The following MED12L variants were observed in gnomAD, a reference collection of about 807,000 sequenced individuals.
MED12L encodes the protein mediator of RNA polymerase II transcription subunit 12-like protein.
Under a neutral mutation model 281.3 loss-of-function variants are expected in MED12L, and 60 were observed. The observed-to-expected ratio is 0.21, with a 90% CI of 0.17 to 0.26. MED12L has a LOEUF of 0.26. Ranked by LOEUF, MED12L falls within the 10% of genes least tolerant of loss-of-function variation. MED12L has a pLI of 1.00. For synonymous variants in MED12L, 974 were observed against 987.2 expected (o/e 0.99, Z 0.25); for missense variants, 2,146 against 2,680.9 (o/e 0.80, Z 4.41).
intron 39 of MED12L, among the ~76,000 whole-genome samples, chr3:151,400,494 T>C (rs960420137): frequency 2.0e-5 from 3 of 152,192 alleles, no homozygotes; most frequent in Non-Finnish European, 4.4e-5. Flanking sequence ...ATAGCTAGTA[T>C]ATGTAGCGAC....
intron 43 of MED12L, among the ~76,000 whole-genome samples, chr3:151,427,939 T>TA (rs1454985370): frequency 6.6e-6 from 1 of 152,230 alleles, no homozygotes; most frequent in Non-Finnish European, 1.5e-5. Flanking sequence ...GCAGCAGTCT[T>TA]AACCAGTCAG....
intron 16 of MED12L, among the ~76,000 whole-genome samples, chr3:151,196,219 C>A (rs1724634788): frequency 1.3e-5 from 2 of 152,198 alleles, no homozygotes; most frequent in South Asian, 4.1e-4. Flanking sequence ...CATGAAAGAA[C>A]TGCTAGACAA....
At chr3:151,283,722 CAG>C (rs1346736920) in intron 16 of MED12L, among the ~76,000 whole-genome samples, 10 of 152,292 alleles carry the variant, frequency 6.6e-5, no homozygotes, top group Admixed American at 5.2e-4. Flanking sequence ...ATGGGGAAGA[CAG>C]AGAATATTCT....
intron 7 of MED12L, 90 bp from the exon 8 acceptor site, chr3:151,159,742 T>C: frequency 1.5e-6 from 2 of 1,313,236 alleles, no homozygotes; most frequent in Non-Finnish European, 2.1e-6. Context: ...TTTTTTATCT[T>C]TTTTAAATGA....
At chr3:151,301,915 G>A (rs1436361538) in intron 16 of MED12L, among the ~76,000 whole-genome samples, 1 of 152,220 alleles carries the variant, frequency 6.6e-6, no homozygotes, top group African/African-American at 2.4e-5. Context: ...CTAGCCACAA[G>A]AAATGAAAAC....
chr3:151,221,836 C>T (rs919165199), intron 16 of MED12L, among the ~76,000 whole-genome samples: 1 of 152,154 alleles, frequency 6.6e-6, no homozygotes, highest in Admixed American at 6.5e-5. Flanking sequence ...ACTGGGGCAC[C>T]ATCTAATGGA....
chr3:151,291,864 T>A (rs1744297532), intron 16 of MED12L, among the ~76,000 whole-genome samples: 2 of 152,170 alleles, frequency 1.3e-5, no homozygotes, highest in African/African-American at 2.4e-5. Flanking sequence ...ATATGACTTT[T>A]AAAAAAATAG....
intron 5 of MED12L, among the ~76,000 whole-genome samples, chr3:151,130,596 T>C (rs940861838): frequency 2.0e-5 from 3 of 152,186 alleles, no homozygotes; most frequent in South Asian, 4.1e-4. Flanking sequence ...CCCACTCAGA[T>C]TGTGTAACTC....
intron 21 of MED12L, among the ~76,000 whole-genome samples, chr3:151,360,879 A>T (rs1754522839): frequency 6.6e-6 from 1 of 152,160 alleles, no homozygotes; most frequent in Admixed American, 6.6e-5. Context: ...TCTTCAATAA[A>T]TAAAGTATTT....
chr3:151,324,382 C>T (rs1045999705), intron 16 of MED12L, among the ~76,000 whole-genome samples: 7 of 152,042 alleles, frequency 4.6e-5, no homozygotes, highest in Non-Finnish European at 8.8e-5. Flanking sequence ...AGAAACGTAT[C>T]GTTTTTGTGG....
chr3:151,115,132 T>G (rs963952061), intron 2 of MED12L, among the ~76,000 whole-genome samples: 60 of 152,084 alleles, frequency 3.9e-4, no homozygotes, highest in African/African-American at 1.3e-3. Flanking sequence ...GCTCTAAACT[T>G]CCCTTCAGTT....
intron 2 of MED12L, among the ~76,000 whole-genome samples, chr3:151,088,013 C>T (rs1719512197): frequency 6.6e-6 from 1 of 152,128 alleles, no homozygotes; most frequent in South Asian, 2.1e-4. Context: ...TTCTGAGAAT[C>T]TAAAAACCCT....
At chr3:151,331,814 A>G (rs772183557) in intron 16 of MED12L, among the ~76,000 whole-genome samples, 1 of 152,206 alleles carries the variant, frequency 6.6e-6, no homozygotes, top group Non-Finnish European at 1.5e-5. Context: ...GATTGGTCCC[A>G]TTTTTAGAGT....
At chr3:151,272,119 AG>A (rs1476890227) in intron 16 of MED12L, among the ~76,000 whole-genome samples, 1 of 152,200 alleles carries the variant, frequency 6.6e-6, no homozygotes, top group African/African-American at 2.4e-5. Flanking sequence ...TGCTTGAAAG[AG>A]GGCAGAAGTG....
chr3:151,143,508 C>G (rs764633107), intron 5 of MED12L, among the ~76,000 whole-genome samples: 1 of 152,182 alleles, frequency 6.6e-6, no homozygotes, highest in Non-Finnish European at 1.5e-5. Flanking sequence ...AGGTGAGGGT[C>G]GTGAAATGTC....
Position 151,383,752 on chromosome 3 carries a change from A to C in MED12L, c.4681-27A>C, listed in dbSNP as rs747222814. On this transcript the variant is annotated intron_variant, in intron 33 of 44. Coordinates refer to ENST00000687756, the MANE Select transcript of MED12L (RefSeq NM_001393769.1). ...TGTTCTTTCTGTTTTACAGAATGCA[A>C]ATATCTTACTGTATTTTGTCTGCTA... 2.7e-6 allele frequency: 4 copies of C among 1,470,310 alleles called. No individual in the cohort carries two copies. The Admixed American group carries it at 5.5e-5, about 20-fold the overall frequency. 91.1% of individuals were successfully genotyped at this position (1,470,310 alleles called of 1,614,324 possible).
At chr3:151,209,651 G>A (rs752480656) in intron 16 of MED12L, among the ~76,000 whole-genome samples, 2 of 152,102 alleles carry the variant, frequency 1.3e-5, no homozygotes. Flanking sequence ...TTTGTAATTT[G>A]TATAATATTA....
At chr3:151,130,822 G>A (rs888398625) in intron 5 of MED12L, among the ~76,000 whole-genome samples, 4 of 152,074 alleles carry the variant, frequency 2.6e-5, no homozygotes, top group African/African-American at 7.2e-5. Context: ...TTTCTTCATT[G>A]TTCTTAACAC....
chr3:151,185,847 A>C (rs1192023884), intron 12 of MED12L, among the ~76,000 whole-genome samples: 1 of 152,154 alleles, frequency 6.6e-6, no homozygotes, highest in Non-Finnish European at 1.5e-5. Flanking sequence ...GTCTCTAAAA[A>C]AGTAAATAAA....
Sources: allele counts gnomAD v4.1 joint callset (sites outside exome capture counted in the v4.1 genomes callset), GRCh38; gene constraint gnomAD v4.1.1; transcripts MANE v1.5; gene names NCBI Gene and HGNC (gene_info 2026-07-23, HGNC 2026-07-21).